The following SCN10A variants were observed in gnomAD, a reference collection of about 807,000 sequenced individuals.
SCN10A encodes the protein sodium channel protein type 10 subunit alpha.
A neutral mutation model predicts 170.7 loss-of-function variants in SCN10A; 162 were observed. That is an observed-to-expected ratio of 0.95 (90% CI 0.84 to 1.08). SCN10A has a LOEUF of 1.08. SCN10A is among the 50% of genes least tolerant of loss of function. The pLI is 0.00. For missense variants in SCN10A, 2,527 were observed against 2,436.9 expected, an observed-to-expected ratio of 1.04 and a Z score of -0.78; for synonymous variants, 985 against 904.6, an observed-to-expected ratio of 1.09 and a Z score of -1.59.
chr3:38,761,053 C>G (rs1559449982), intron 7 of SCN10A, 139 bp downstream of exon 7: 1 of 707,398 alleles, frequency 1.4e-6, no homozygotes, highest in East Asian at 2.6e-5. Flanking sequence ...TAAAACACAA[C>G]TCAAGAGAAC....
Position 38,698,101 on chromosome 3 carries a change from T to A in SCN10A, c.5119A>T (p.Ile1707Phe). 2 of 1,613,968 alleles carry A rather than the reference T, an allele frequency of 1.2e-6. No individual in the cohort carries two copies. The highest frequency in any genetic ancestry group is 8.5e-7 in the Non-Finnish European group (1 of 1,179,934). Residue 1707 changes from isoleucine (I) to phenylalanine (F), a missense_variant, in exon 28 of 28, where the codon ATC (isoleucine) becomes TTC (phenylalanine). Coordinates refer to ENST00000449082, the MANE Select transcript of SCN10A (RefSeq NM_006514.4). ...TTGACCATGATGAGGAAGGAGATGA[T>A]GATGTAGGTGGTGAAGAAGATGATG... ...VGIIFFTTYIIISFLIMVNMY... is the reference protein window; with the variant it reads ...VGIIFFTTYIFISFLIMVNMY...
At chr3:38,803,041 A>G (rs2064383021) in intron 1 of SCN10A, among the ~76,000 whole-genome samples, 1 of 152,256 alleles carries the variant, frequency 6.6e-6, no homozygotes, top group Non-Finnish European at 1.5e-5. Context: ...AAACAGGCAC[A>G]TGAAAAAATG....
intron 2 of SCN10A, among the ~76,000 whole-genome samples, chr3:38,793,490 C>T (rs1374670201): frequency 6.6e-6 from 1 of 152,120 alleles, no homozygotes; most frequent in Non-Finnish European, 1.5e-5. Context: ...AGCCAACTTT[C>T]CCTGAAAGCT....
chr3:38,703,507 T>C (rs1239926160), intron 26 of SCN10A, among the ~76,000 whole-genome samples: 1 of 152,192 alleles, frequency 6.6e-6, no homozygotes, highest in Non-Finnish European at 1.5e-5. Flanking sequence ...AGCTTTTGCC[T>C]CTATCCTGAC....
chr3:38,787,777 C>T (rs997054287), intron 4 of SCN10A, among the ~76,000 whole-genome samples: 6 of 152,044 alleles, frequency 3.9e-5, no homozygotes, highest in African/African-American at 9.7e-5. Flanking sequence ...ACCCTTCAAC[C>T]CGTCATTTAC....
rs760741465 is a variant in SCN10A at position 38,761,382 on chromosome 3, G to A, written c.693C>T (p.Gly231=). The A allele has an allele frequency of 5.0e-6, 8 of 1,612,176 alleles. No homozygotes were observed. Among genetic ancestry groups the A allele is most frequent in the East Asian group, 2.2e-5 (1 of 44,850 alleles). The change falls in exon 7 of 28, where the codon GGC becomes GGT. Residue 231 remains glycine (G), a splice_region_variant and synonymous_variant. Transcript: ENST00000449082. ...RALKTVSVIP[G]LKVIVGALIH... is the part of the protein sequence containing the mutation. ...TCAGGGCCCCCACAATGACCTTCAG[G>A]CCTGCGGGAAGATGACAGTGGTATG... is the stretch of plus-strand genomic sequence containing the variant.
At chr3:38,773,925 A>T (rs2064039747) in intron 4 of SCN10A, among the ~76,000 whole-genome samples, 1 of 152,152 alleles carries the variant, frequency 6.6e-6, no homozygotes, top group South Asian at 2.1e-4. Context: ...ATTATTGGAG[A>T]TAGGGAGGTA....
intron 1 of SCN10A, among the ~76,000 whole-genome samples, chr3:38,806,406 G>A (rs761763092): frequency 2.0e-5 from 3 of 152,124 alleles, no homozygotes; most frequent in Admixed American, 6.5e-5. Flanking sequence ...TGAAAGTGTT[G>A]TGAACCAAAA....
At position 38,709,519 on chromosome 3, in the gene SCN10A, CA is replaced by C; in HGVS notation, c.4239del (p.Phe1413LeufsTer5). ...TTGAAGTTGTCAATTATGACCCCAA[CA>C]AAGAGATTCAGTGTGAAGAAGCCTC... Reference protein sequence around the residue: ...IFGGFFTLNLFVGVIIDNFNQ... With the variant: ...IFGGFFTLNLXVGVIIDNFNQ... On this transcript the variant is annotated frameshift_variant, in exon 25 of 28. Transcript: ENST00000449082. LOFTEE classifies it high-confidence loss of function. 6.2e-7 allele frequency: 1 copy of C among 1,612,480 alleles called. No individual in the cohort carries two copies. Among genetic ancestry groups the C allele is most frequent in the Non-Finnish European group, 8.5e-7 (1 of 1,179,268 alleles).
intron 14 of SCN10A, among the ~76,000 whole-genome samples, chr3:38,739,955 TAAGA>T (rs1486464444): frequency 1.3e-5 from 2 of 152,198 alleles, no homozygotes; most frequent in African/African-American, 4.8e-5. Flanking sequence ...GGATAGTCTT[TAAGA>T]TCATTATTAT....
chr3:38,765,797 A>T (rs1368286303), intron 5 of SCN10A, among the ~76,000 whole-genome samples: 1 of 152,066 alleles, frequency 6.6e-6, no homozygotes, highest in Non-Finnish European at 1.5e-5. Context: ...GAATCTGTAT[A>T]TTGCTTTTGG....
intron 5 of SCN10A, among the ~76,000 whole-genome samples, chr3:38,764,987 A>T (rs7610489): frequency 6.6e-6 from 1 of 152,020 alleles, no homozygotes; most frequent in African/African-American, 2.4e-5. Flanking sequence ...TTTCCTGTTC[A>T]TTGGCCATTT....
intron 2 of SCN10A, among the ~76,000 whole-genome samples, chr3:38,793,291 T>A (rs73826359): frequency 0.14 from 20,578 of 152,094 alleles, 1,503 homozygotes; most frequent in South Asian, 0.19. Flanking sequence ...TTTCATTTTA[T>A]AAACCCACTA....
intron 3 of SCN10A, among the ~76,000 whole-genome samples, chr3:38,791,433 T>A (rs966127162): frequency 6.6e-6 from 1 of 152,224 alleles, no homozygotes; most frequent in African/African-American, 2.4e-5. Flanking sequence ...CAGTCTTGTA[T>A]GGCATGAACA....
intron 1 of SCN10A, among the ~76,000 whole-genome samples, chr3:38,803,199 G>A (rs1250070984): frequency 1.3e-5 from 2 of 152,196 alleles, no homozygotes; most frequent in East Asian, 1.9e-4. Context: ...TACACTGTTG[G>A]TGGGACTGTA....
At chr3:38,775,293 T>G (rs962694942) in intron 4 of SCN10A, among the ~76,000 whole-genome samples, 1 of 152,160 alleles carries the variant, frequency 6.6e-6, no homozygotes, top group Admixed American at 6.5e-5. Flanking sequence ...CTCCATGAAT[T>G]TGCCTGTTCT....
At chr3:38,724,762 T>C (rs892463941) in intron 18 of SCN10A, among the ~76,000 whole-genome samples, 4 of 152,358 alleles carry the variant, frequency 2.6e-5, no homozygotes, top group Middle Eastern at 3.4e-3. Context: ...CCTGGGCACT[T>C]ACTTTGTCTC....
chr3:38,786,198 A>G (rs1432371509), intron 4 of SCN10A, among the ~76,000 whole-genome samples: 1 of 152,182 alleles, frequency 6.6e-6, no homozygotes, highest in Non-Finnish European at 1.5e-5. Context: ...TTGTGGCACT[A>G]TTGACAATAG....
At chr3:38,797,026 A>G (rs2064345044) in intron 1 of SCN10A, among the ~76,000 whole-genome samples, 1 of 152,074 alleles carries the variant, frequency 6.6e-6, no homozygotes, top group Non-Finnish European at 1.5e-5. Flanking sequence ...TTGTTCAGAA[A>G]AATGCAGCAA....
Sources: gnomAD v4.1 joint callset for allele counts (sites outside exome capture counted in the v4.1 genomes callset) on GRCh38, gnomAD v4.1.1 for gene constraint, MANE v1.5 for transcripts, NCBI Gene and HGNC (gene_info 2026-07-23, HGNC 2026-07-21) for gene names.